DPYD: variants seen among roughly 807,000 people sequenced by gnomAD.
DPYD encodes dihydropyrimidine dehydrogenase.
Under a neutral mutation model 116.2 loss-of-function variants are expected in DPYD, and 109 were observed. The observed-to-expected ratio is 0.94, with a 90% confidence interval of 0.80 to 1.10. DPYD has a LOEUF of 1.10. Ranked by LOEUF, DPYD falls within the 50% of genes least tolerant of loss-of-function variation. The probability of loss-of-function intolerance (pLI) is 0.00; values close to 1 mark genes in which losing one functional copy is unlikely to be tolerated. For synonymous variants in DPYD, 440 were observed against 432.0 expected, an observed-to-expected ratio of 1.02 and a Z score of -0.23; for missense variants, 1,302 against 1,254.5, an observed-to-expected ratio of 1.04 and a Z score of -0.57.
In DPYD at chr1:97,746,730, T is replaced by C. The variant is rs200749764; in HGVS notation, c.234-6251A>G. Among the ~76,000 whole-genome samples, 64 of 152,130 alleles carry C rather than the reference T, an allele frequency of 4.2e-4. No homozygotes were observed. In the East Asian group the frequency reaches 6.0e-3, roughly 14 times the overall value. On this transcript the variant is annotated intron_variant, in intron 3 of 22. Transcript: ENST00000370192. ...TCATGAATACAGGTACAGACAGTTATAACCAGGAATGAAAAGAGAACAGAG... is the reference window on the plus strand; with the variant it reads ...TCATGAATACAGGTACAGACAGTTACAACCAGGAATGAAAAGAGAACAGAG...
intron 10 of DPYD, among the ~76,000 whole-genome samples, chr1:97,582,813 T>C (rs1285373417): frequency 4.6e-5 from 7 of 152,230 alleles, no homozygotes; most frequent in Admixed American, 6.5e-5. Flanking sequence ...ATAAATATAG[T>C]CGTCCCTTAA....
chr1:97,359,465 A>G (rs1670600201), intron 16 of DPYD, among the ~76,000 whole-genome samples: 1 of 152,204 alleles, frequency 6.6e-6, no homozygotes, highest in African/African-American at 2.4e-5. Context: ...AGAACACTAC[A>G]AAGATACTCC....
At chr1:97,130,816 TCTTC>T (rs1357732186) in intron 20 of DPYD, among the ~76,000 whole-genome samples, 3 of 38,204 alleles carry the variant, frequency 7.9e-5, no homozygotes, top group Admixed American at 4.2e-4. Flanking sequence ...TTTCTTTCTT[TCTTC>T]CTTTCTTTCT....
chr1:97,301,056 TC>T (rs1389559332), intron 18 of DPYD, among the ~76,000 whole-genome samples: 1 of 152,080 alleles, frequency 6.6e-6, no homozygotes, highest in African/African-American at 2.4e-5. Context: ...GTCCAATATC[TC>T]ACACAGCTAG....
chr1:97,691,854 A>C (rs1053605132), intron 6 of DPYD, 56 bp from the exon 7 acceptor site: 2 of 1,405,868 alleles, frequency 1.4e-6, no homozygotes, highest in Non-Finnish European at 2.0e-6. Context: ...CCAATCTTTG[A>C]CCAATCTTAA....
chr1:97,142,383 G>GTT, intron 20 of DPYD, among the ~76,000 whole-genome samples: 1 of 152,098 alleles, frequency 6.6e-6, no homozygotes, highest in South Asian at 2.1e-4. Context: ...AAAGAAACTA[G>GTT]TTTCCTTCAT....
chr1:97,268,091 T>C (rs1353357468), intron 18 of DPYD, among the ~76,000 whole-genome samples: 2 of 152,090 alleles, frequency 1.3e-5, no homozygotes, highest in Non-Finnish European at 2.9e-5. Flanking sequence ...TTCATGTAAG[T>C]CCAAACCACA....
At chr1:97,477,166 C>A (rs1462974015) in intron 13 of DPYD, among the ~76,000 whole-genome samples, 1 of 152,168 alleles carries the variant, frequency 6.6e-6, no homozygotes, top group Non-Finnish European at 1.5e-5. Context: ...ACATGCAATG[C>A]TATTTGGATA....
chr1:97,238,582 A>T (rs1358411864), intron 18 of DPYD, among the ~76,000 whole-genome samples: 2 of 152,194 alleles, frequency 1.3e-5, no homozygotes, highest in Non-Finnish European at 2.9e-5. Flanking sequence ...ACATATATCA[A>T]TGCCATACAA....
chr1:97,145,924 A>G (rs1048360635), intron 20 of DPYD, among the ~76,000 whole-genome samples: 1 of 152,086 alleles, frequency 6.6e-6, no homozygotes, highest in African/African-American at 2.4e-5. Flanking sequence ...ATCTGAGAAT[A>G]CAAAACCTCA....
At chr1:97,575,517 A>T (rs1455176201) in intron 10 of DPYD, among the ~76,000 whole-genome samples, 3 of 152,176 alleles carry the variant, frequency 2.0e-5, no homozygotes, top group Non-Finnish European at 4.4e-5. Flanking sequence ...TCTATGTCTT[A>T]TTTAGGATAT....
chr1:97,674,153 T>C (rs1207553378), intron 8 of DPYD, among the ~76,000 whole-genome samples: 1 of 152,184 alleles, frequency 6.6e-6, no homozygotes, highest in Non-Finnish European at 1.5e-5. Context: ...GTTGAGGCCA[T>C]AGCAGTATCC....
intron 13 of DPYD, among the ~76,000 whole-genome samples, chr1:97,477,507 A>G (rs1034510640): frequency 2.0e-5 from 3 of 152,026 alleles, no homozygotes; most frequent in African/African-American, 7.3e-5. Flanking sequence ...AGGGTTATTA[A>G]TTGGCCTAAT....
At chr1:97,474,401 G>A (rs1677835057) in intron 13 of DPYD, among the ~76,000 whole-genome samples, 1 of 152,002 alleles carries the variant, frequency 6.6e-6, no homozygotes, top group South Asian at 2.1e-4. Context: ...CAGATCAGGT[G>A]TTCTGTCAGA....
intron 18 of DPYD, among the ~76,000 whole-genome samples, chr1:97,239,880 A>T (rs765123933): frequency 6.6e-6 from 1 of 152,106 alleles, no homozygotes; most frequent in African/African-American, 2.4e-5. Flanking sequence ...AATAAATTAC[A>T]TAATATATAT....
At chr1:97,702,556 C>CTG (rs1661654884) in intron 5 of DPYD, among the ~76,000 whole-genome samples, 2 of 151,920 alleles carry the variant, frequency 1.3e-5, no homozygotes, top group South Asian at 4.1e-4. Flanking sequence ...TTAAAAGTAT[C>CTG]ATTTATTGCT....
intron 21 of DPYD, among the ~76,000 whole-genome samples, chr1:97,088,945 C>T (rs891243819): frequency 6.6e-6 from 1 of 152,166 alleles, no homozygotes; most frequent in Non-Finnish European, 1.5e-5. Context: ...GCAAGGCCTC[C>T]ACTATTTTTC....
chr1:97,730,064 T>C (rs527502194), intron 4 of DPYD, among the ~76,000 whole-genome samples: 75 of 152,288 alleles, frequency 4.9e-4, no homozygotes, highest in African/African-American at 1.8e-3. Context: ...CTTTTGATGA[T>C]TGTGTTTGTT....
At chr1:97,284,016 C>G (rs776353726) in intron 18 of DPYD, among the ~76,000 whole-genome samples, 2 of 152,090 alleles carry the variant, frequency 1.3e-5, no homozygotes, top group African/African-American at 2.4e-5. Context: ...GATATAATAC[C>G]TTAAGCATCA....
Sources: gnomAD v4.1 joint callset for allele counts (sites outside exome capture counted in the v4.1 genomes callset) on GRCh38, gnomAD v4.1.1 for gene constraint, MANE v1.5 for transcripts, NCBI Gene and HGNC (gene_info 2026-07-23, HGNC 2026-07-21) for gene names.